CWF19L2: variants seen among roughly 807,000 people sequenced by gnomAD.
CWF19L2 encodes CWF19-like protein 2.
A neutral mutation model predicts 111.7 loss-of-function variants in CWF19L2; 98 were observed. That is an observed-to-expected ratio of 0.88 (90% CI 0.75 to 1.04). CWF19L2 has a LOEUF of 1.04. CWF19L2 is among the 50% of genes least tolerant of loss of function. The pLI is 0.00. For missense variants in CWF19L2, 1,101 were observed against 1,051.4 expected, an observed-to-expected ratio of 1.05 and a Z score of -0.65; for synonymous variants, 351 against 342.9, an observed-to-expected ratio of 1.02 and a Z score of -0.26.
intron 10 of CWF19L2, chr11:107,403,671 C>T (rs1179864482): frequency 1.2e-5 from 9 of 778,144 alleles, no homozygotes; most frequent in Non-Finnish European, 1.9e-5. Context: ...GCTTGTTCTT[C>T]CTCAGGAATG....
chr11:107,372,587 T>C (rs1304909605), intron 12 of CWF19L2, among the ~76,000 whole-genome samples: 3 of 136,888 alleles, frequency 2.2e-5, no homozygotes, highest in Non-Finnish European at 3.1e-5. Context: ...CAAAATACCA[T>C]TCAAAATGTT....
chr11:107,403,508 C>A (rs1190748518), intron 10 of CWF19L2: 3 of 836,032 alleles, frequency 3.6e-6, no homozygotes, highest in African/African-American at 1.7e-5. Context: ...CTCTGCCATA[C>A]TGTCAACCCC....
At chr11:107,334,771 T>C (rs1438301179) in intron 16 of CWF19L2, 110 bp downstream of exon 16, 2 of 732,342 alleles carry the variant, frequency 2.7e-6, no homozygotes, top group East Asian at 2.5e-5. Flanking sequence ...AACTAGTAAT[T>C]TCGCCTTCAG....
chr11:107,341,812 T>C (rs1184400128), intron 14 of CWF19L2, among the ~76,000 whole-genome samples: 1 of 152,156 alleles, frequency 6.6e-6, no homozygotes, highest in African/African-American at 2.4e-5. Flanking sequence ...TTGAGTGTGT[T>C]GTAACAGTTT....
intron 12 of CWF19L2, among the ~76,000 whole-genome samples, chr11:107,383,471 A>G (rs187685716): frequency 1.8e-4 from 28 of 152,340 alleles, no homozygotes; most frequent in African/African-American, 6.7e-4. Context: ...GTTTTTCTCT[A>G]CACATCTTTT....
intron 10 of CWF19L2, among the ~76,000 whole-genome samples, chr11:107,400,738 C>G (rs1004424180): frequency 4.6e-5 from 7 of 152,220 alleles, no homozygotes; most frequent in Non-Finnish European, 1.0e-4. Flanking sequence ...ACCCTAATAC[C>G]AAAACCAGGA....
chr11:107,457,721 C>T lies in CWF19L2; in HGVS notation c.96G>A (p.Val32=), dbSNP rs369620927. ...KEQTRNARAE[V]LRQAKANFEK... ...CCCAAAACAGAGGTACCTGGCGCAA[C>T]ACCTCGGCCCTGGCATTCCGGGTCT... Residue 32 remains valine (V), a synonymous_variant, in exon 1 of 18, where the codon GTG becomes GTA. Coordinates refer to ENST00000282251, the MANE Select transcript of CWF19L2 (RefSeq NM_152434.3). 7.1e-6 allele frequency: 11 copies of T among 1,551,180 alleles called. No individual in the cohort carries two copies. The highest frequency in any genetic ancestry group is 2.0e-5 in the Admixed American group (1 of 50,980).
chr11:107,448,670 A>G (rs1861735948), intron 3 of CWF19L2, among the ~76,000 whole-genome samples: 1 of 152,172 alleles, frequency 6.6e-6, no homozygotes, highest in Non-Finnish European at 1.5e-5. Flanking sequence ...CTGACTCCCA[A>G]GACAATGATA....
At chr11:107,453,060 T>C (rs898450124) in intron 3 of CWF19L2, among the ~76,000 whole-genome samples, 1 of 152,040 alleles carries the variant, frequency 6.6e-6, no homozygotes, top group African/African-American at 2.4e-5. Context: ...AAAATTAGGA[T>C]ACCAGAAGCA....
chr11:107,357,602 A>G (rs951958994), intron 12 of CWF19L2, among the ~76,000 whole-genome samples: 1 of 152,198 alleles, frequency 6.6e-6, no homozygotes, highest in Non-Finnish European at 1.5e-5. Flanking sequence ...TGAAAATGAT[A>G]CAGTCTTGCC....
chr11:107,457,395 T>A (rs1861870304), intron 1 of CWF19L2, among the ~76,000 whole-genome samples: 1 of 152,172 alleles, frequency 6.6e-6, no homozygotes, highest in Non-Finnish European at 1.5e-5. Flanking sequence ...GGCAGAGTCC[T>A]TACAAGCCGC....
intron 14 of CWF19L2, among the ~76,000 whole-genome samples, chr11:107,337,472 G>C (rs1859944410): frequency 1.3e-5 from 2 of 152,010 alleles, no homozygotes; most frequent in Admixed American, 1.3e-4. Flanking sequence ...AGAGCTGAGT[G>C]GTCCAGGATG....
intron 12 of CWF19L2, among the ~76,000 whole-genome samples, chr11:107,355,282 G>A (rs1013887767): frequency 6.6e-6 from 1 of 151,954 alleles, no homozygotes; most frequent in Non-Finnish European, 1.5e-5. Flanking sequence ...GGGCGTGGTG[G>A]TCCATGCCTA....
intron 12 of CWF19L2, among the ~76,000 whole-genome samples, chr11:107,383,648 G>T (rs1175720122): frequency 3.3e-5 from 5 of 152,122 alleles, no homozygotes. Context: ...TTATAAGAAA[G>T]ATATTCTATT....
chr11:107,372,010 T>A (rs565735327), intron 12 of CWF19L2, among the ~76,000 whole-genome samples: 10 of 136,994 alleles, frequency 7.3e-5, no homozygotes, highest in Admixed American at 1.4e-4. Context: ...TATCTAAATT[T>A]TGTAGGCAAT....
rs765704973 is a variant in CWF19L2, at chr11:107,439,139, A to C, written c.615T>G (p.Gly205=). The C allele has an allele frequency of 4.0e-5, 65 of 1,608,646 alleles. No homozygotes were observed. In the Middle Eastern group the frequency reaches 5.0e-4, roughly 12 times the overall value. ...AGTCTTCAGGTGGAAGACCTGTCCCACCATCCTTCCAGTACGGATTCAATT... is the reference window on the plus strand; with the variant it reads ...AGTCTTCAGGTGGAAGACCTGTCCCCCCATCCTTCCAGTACGGATTCAATT... ...ERELNPYWKD[G]GTGLPPEDCS... is the part of the protein sequence containing the mutation. The change falls in exon 6 of 18, where the codon GGT becomes GGG. Residue 205 remains glycine (G), a synonymous_variant. Coordinates refer to ENST00000282251, the MANE Select transcript of CWF19L2 (RefSeq NM_152434.3).
intron 2 of CWF19L2, 57 bp downstream of exon 2, chr11:107,455,609 G>C (rs1861842157): frequency 2.1e-6 from 2 of 971,786 alleles, no homozygotes; most frequent in Non-Finnish European, 3.1e-6. Flanking sequence ...ATATTAACTT[G>C]AATACGTGCA....
At chr11:107,381,914 T>C (rs1255556871) in intron 12 of CWF19L2, among the ~76,000 whole-genome samples, 1 of 152,162 alleles carries the variant, frequency 6.6e-6, no homozygotes, top group East Asian at 1.9e-4. Context: ...TAACTTAAGG[T>C]AAAATCCTAA....
intron 10 of CWF19L2, among the ~76,000 whole-genome samples, chr11:107,413,445 G>GT (rs1437537267): frequency 1.3e-5 from 2 of 152,222 alleles, no homozygotes; most frequent in Non-Finnish European, 2.9e-5. Context: ...CACTGGTTAT[G>GT]TGTAAGTCTT....
Sources: gnomAD v4.1 joint callset for allele counts (sites outside exome capture counted in the v4.1 genomes callset) on GRCh38, gnomAD v4.1.1 for gene constraint, MANE v1.5 for transcripts, NCBI Gene and HGNC (gene_info 2026-07-23, HGNC 2026-07-21) for gene names.